The following GABRB1 variants were observed in gnomAD, a reference collection of about 807,000 sequenced individuals.
The protein encoded by GABRB1 is gamma-aminobutyric acid receptor subunit beta-1.
In GABRB1, 17 loss-of-function variants were observed where a neutral mutation model predicts 51.6. That is an observed-to-expected ratio of 0.33 (90% CI 0.23 to 0.49). The LOEUF (loss-of-function observed/expected upper bound fraction) is 0.49, where lower values mean the gene tolerates loss of function less well. Ranked by LOEUF, GABRB1 falls within the 20% of genes least tolerant of loss-of-function variation. The probability of loss-of-function intolerance (pLI) is 0.99; values close to 1 mark genes in which losing one functional copy is unlikely to be tolerated. For synonymous variants in GABRB1, 247 were observed against 218.9 expected (o/e 1.13, Z -1.14); for missense variants, 410 against 600.6 (o/e 0.68, Z 3.32).
intron 3 of GABRB1, among the ~76,000 whole-genome samples, chr4:47,106,215 C>T (rs1181100849): frequency 6.6e-6 from 1 of 151,954 alleles, no homozygotes; most frequent in Non-Finnish European, 1.5e-5. Context: ...GTCCAGTTTA[C>T]AGGAGAAGAA....
rs189613208 is a variant in GABRB1 at position 47,014,937 on chromosome 4, C to T, written c.-19-16977C>T. Among the ~76,000 whole-genome samples the T allele has an allele frequency of 2.5e-3, 386 of 152,274 alleles. 6 individuals are homozygous for T. The highest frequency in any genetic ancestry group is 0.023 in the Admixed American group (357 of 15,276). On this transcript the variant is annotated intron_variant, in intron 1 of 3. Transcript: ENST00000513567. ...TTATTTATTTATTGAGACGGAGTCT[C>T]GCCCTGCCTTGCAGACTGGAGTGCA...
intron 5 of GABRB1, among the ~76,000 whole-genome samples, chr4:47,353,118 A>G (rs992991534): frequency 2.0e-5 from 3 of 152,176 alleles, no homozygotes; most frequent in African/African-American, 7.2e-5. Context: ...ATCTCATGAG[A>G]CTTATTCACT....
intron 3 of GABRB1, among the ~76,000 whole-genome samples, chr4:47,113,857 C>T (rs1051662135): frequency 2.6e-5 from 4 of 152,180 alleles, no homozygotes; most frequent in Non-Finnish European, 5.9e-5. Flanking sequence ...TCAATTTATT[C>T]TCCCTGCAGT....
intron 1 of GABRB1, among the ~76,000 whole-genome samples, chr4:47,014,852 A>G (rs1724698139): frequency 6.6e-6 from 1 of 152,176 alleles, no homozygotes; most frequent in South Asian, 2.1e-4. Context: ...CTATAGAAAG[A>G]CATAAGATGA....
intron 5 of GABRB1, among the ~76,000 whole-genome samples, chr4:47,323,799 T>C (rs1178546570): frequency 2.0e-5 from 3 of 152,196 alleles, no homozygotes; most frequent in African/African-American, 7.2e-5. Context: ...CTTGATGTCA[T>C]CTAATCAAGT....
At chr4:47,221,035 C>T (rs545554566) in intron 4 of GABRB1, among the ~76,000 whole-genome samples, 33 of 152,062 alleles carry the variant, frequency 2.2e-4, no homozygotes, top group African/African-American at 7.5e-4. Flanking sequence ...CAATAAATTC[C>T]CCTCCTAAAT....
At chr4:47,246,337 C>CATATATATATAT (rs60968247) in intron 4 of GABRB1, among the ~76,000 whole-genome samples, 6 of 53,336 alleles carry the variant, frequency 1.1e-4, no homozygotes, top group Non-Finnish European at 1.6e-4. Context: ...CACATATGTA[C>CATATATATATAT]ATATATATAT....
intron 5 of GABRB1, among the ~76,000 whole-genome samples, chr4:47,383,397 C>T (rs950383082): frequency 6.6e-6 from 1 of 151,816 alleles, no homozygotes; most frequent in African/African-American, 2.4e-5. Flanking sequence ...GAAAGGCATC[C>T]AATTTAAAAA....
chr4:47,152,909 C>T (rs187111870), intron 3 of GABRB1, among the ~76,000 whole-genome samples: 43 of 152,108 alleles, frequency 2.8e-4, no homozygotes, highest in African/African-American at 1.0e-3. Context: ...TTTATCTATT[C>T]TCTAGGCTAA....
At chr4:47,350,284 T>TAG (rs1231169037) in intron 5 of GABRB1, among the ~76,000 whole-genome samples, 2,480 of 139,996 alleles carry the variant, frequency 0.018, 95 homozygotes, top group African/African-American at 0.056. Flanking sequence ...TATATATATA[T>TAG]ATAGAGAGAG....
intron 3 of GABRB1, among the ~76,000 whole-genome samples, chr4:47,139,957 A>T (rs1048692098): frequency 2.6e-5 from 4 of 152,056 alleles, no homozygotes; most frequent in Non-Finnish European, 4.4e-5. Flanking sequence ...GTTTAAGTAA[A>T]TAGTAAATCT....
chr4:47,022,634 C>A (rs2109453808), intron 1 of GABRB1, among the ~76,000 whole-genome samples: 1 of 151,954 alleles, frequency 6.6e-6, no homozygotes, highest in African/African-American at 2.4e-5. Context: ...AGCTTAGATC[C>A]AAAAGACAGG....
intron 5 of GABRB1, among the ~76,000 whole-genome samples, chr4:47,326,304 C>T (rs889426053): frequency 5.9e-5 from 9 of 152,112 alleles, no homozygotes; most frequent in African/African-American, 1.9e-4. Flanking sequence ...ACAGTGCCTA[C>T]GTCATTCACC....
intron 5 of GABRB1, among the ~76,000 whole-genome samples, chr4:47,380,474 C>G (rs1727556069): frequency 6.6e-6 from 1 of 152,114 alleles, no homozygotes; most frequent in African/African-American, 2.4e-5. Context: ...GGGATAAGCC[C>G]CATCTTCATG....
intron 1 of GABRB1, among the ~76,000 whole-genome samples, chr4:47,001,364 A>G (rs35128586): frequency 0.2 from 30,139 of 151,738 alleles, 3,439 homozygotes; most frequent in Non-Finnish European, 0.27. Context: ...GGATGGTCTG[A>G]ATCTCCTGAC....
At chr4:47,281,534 T>G (rs1723293653) in intron 4 of GABRB1, among the ~76,000 whole-genome samples, 1 of 152,122 alleles carries the variant, frequency 6.6e-6, no homozygotes, top group African/African-American at 2.4e-5. Context: ...TCTAGTAACC[T>G]CATTTCTGGA....
chr4:47,384,645 G>A (rs1445971291), intron 5 of GABRB1, among the ~76,000 whole-genome samples: 2 of 152,058 alleles, frequency 1.3e-5, no homozygotes, highest in Middle Eastern at 3.2e-3. Context: ...GGGGTTTCAG[G>A]CCAAGAATAA....
At chr4:47,420,052 A>G (rs1729047854) in intron 8 of GABRB1, among the ~76,000 whole-genome samples, 1 of 152,242 alleles carries the variant, frequency 6.6e-6, no homozygotes, top group Admixed American at 6.5e-5. Flanking sequence ...TTTGAGGAAT[A>G]TATGATTAAT....
chr4:47,391,167 C>A (rs539726732), intron 5 of GABRB1, among the ~76,000 whole-genome samples: 2 of 152,168 alleles, frequency 1.3e-5, no homozygotes, highest in South Asian at 4.2e-4. Flanking sequence ...AAGAGCAAGA[C>A]TCCGTCTCAA....
Sources: gnomAD v4.1 joint callset for allele counts (sites outside exome capture counted in the v4.1 genomes callset) on GRCh38, gnomAD v4.1.1 for gene constraint, MANE v1.5 for transcripts, NCBI Gene and HGNC (gene_info 2026-07-23, HGNC 2026-07-21) for gene names.